MMP7: variants seen among roughly 807,000 people sequenced by gnomAD.
MMP7 encodes matrilysin.
In MMP7, 26 loss-of-function variants were observed where a neutral mutation model predicts 31.5. The ratio of observed to expected loss-of-function variants is 0.83; its 90% CI spans 0.61 to 1.15. The LOEUF is 1.15. MMP7 is among the 50% of genes most tolerant of loss of function. The pLI, the probability that MMP7 is intolerant of heterozygous loss-of-function variation, is 0.00. For missense variants in MMP7, 367 were observed against 326.5 expected, an observed-to-expected ratio of 1.12 and a Z score of -0.96; for synonymous variants, 142 against 124.2, an observed-to-expected ratio of 1.14 and a Z score of -0.95.
intron 4 of MMP7, 43 bp from the exon 5 acceptor site, chr11:102,523,444 A>G (rs774524804): frequency 1.0e-5 from 15 of 1,479,774 alleles, no homozygotes; most frequent in Non-Finnish European, 1.4e-5. Flanking sequence ...AAAAATAGCT[A>G]CATACATTAT....
In MMP7 at chr11:102,527,408, C is replaced by A. The variant is rs1351234149; in HGVS notation, c.484+116G>T. 7 of 1,223,538 alleles carry A rather than the reference C, an allele frequency of 5.7e-6. No individual in the cohort carries two copies. The Admixed American group carries it at 1.0e-4, about 18-fold the overall frequency. The allele number at this position is 1,223,538 out of a possible 1,614,324, so 75.8% of individuals were successfully genotyped here. A position where few individuals can be genotyped will look rare whatever the true frequency, so the allele number is the denominator to read the frequency against. On this transcript the variant is annotated intron_variant, in intron 3 of 5. Coordinates refer to ENST00000260227, the MANE Select transcript of MMP7 (RefSeq NM_002423.5). ...ATTGCTAAATCTATCTATTAACTAT[C>A]TATCTACCAATCATATCTCATTAAA...
chr11:102,530,620 C>A lies in MMP7; in HGVS notation c.81G>T (p.Met27Ile). The A allele has an allele frequency of 2.5e-6, 4 of 1,614,010 alleles. No homozygotes were observed. The South Asian group carries it at 3.3e-5, about 13-fold the overall frequency. The part of the protein sequence containing the change: ...ALPLPQEAGG[M>I]SELQWEQAQD... ...GAGCCTGTTCCCACTGTAGCTCACTCATGCCTCCCGCCTCCTGAGGCAGCG... is the reference window on the plus strand; with the variant it reads ...GAGCCTGTTCCCACTGTAGCTCACTAATGCCTCCCGCCTCCTGAGGCAGCG... Residue 27 changes from methionine to isoleucine, a missense_variant, in exon 1 of 6, where the codon ATG (methionine) becomes ATT (isoleucine). Transcript: ENST00000260227.
chr11:102,525,379 T>C (rs942070627), intron 3 of MMP7, among the ~76,000 whole-genome samples: 3 of 151,676 alleles, frequency 2.0e-5, no homozygotes, highest in South Asian at 2.1e-4. Flanking sequence ...GAGGCGGAAG[T>C]TGCAGTGAGC....
rs1330783221 is a variant in MMP7, at chr11:102,527,651, G to A, written c.357C>T (p.Asp119=). ...ATCGATCCACTGTAATATGCGGTAA[G>A]TCTCGAGTATATGATACGATCCTAG... ...VTYRIVSYTR[D]LPHITVDRLV... is the part of the protein sequence containing the mutation. Residue 119 remains aspartate, a synonymous_variant, in exon 3 of 6, where the codon GAC becomes GAT. Coordinates refer to ENST00000260227, the MANE Select transcript of MMP7 (RefSeq NM_002423.5). 1 of 1,614,134 alleles carries A rather than the reference G, an allele frequency of 6.2e-7. No individual in the cohort carries two copies. The highest frequency in any genetic ancestry group is 8.5e-7 in the Non-Finnish European group (1 of 1,179,990).
At chr11:102,521,309 T>C (rs955394079) in intron 5 of MMP7, among the ~76,000 whole-genome samples, 3 of 152,170 alleles carry the variant, frequency 2.0e-5, no homozygotes, top group African/African-American at 7.2e-5. Context: ...GCAATTCTCA[T>C]GCTTCAGCCT....
At position 102,528,217 on chromosome 11, in the gene MMP7, T is replaced by TA. The variant is rs553706786; in HGVS notation, c.109-235dup. Among the ~76,000 whole-genome samples the TA allele has an allele frequency of 1.2e-3, 177 of 152,338 alleles. 1 individual carries two copies. Among genetic ancestry groups the TA allele is most frequent in the African/African-American group, 3.9e-3 (164 of 41,576 alleles). On this transcript the variant is annotated intron_variant, in intron 1 of 5. Transcript: ENST00000260227. ...CAAAAGAAAAGAATCCCTCAATTTT[T>TA]AAAAAATCCATTTAAATGTTTTGGG...
In MMP7 at chr11:102,527,958, T is replaced by A. The variant is rs1426185853; in HGVS notation, c.134A>T (p.Tyr45Phe). The A allele has an allele frequency of 1.2e-6, 2 of 1,613,762 alleles. No individual in the cohort carries two copies. The highest frequency in any genetic ancestry group is 3.3e-5 in the Admixed American group (2 of 60,026). ...AQDYLKRFYL[Y>F]DSETKNANSL... Reference sequence around the variant, plus strand: ...GTTGGCATTTTTTGTTTCTGAGTCATAGAGATAAAATCTCTTGAGATAGTC... The same window carrying A: ...GTTGGCATTTTTTGTTTCTGAGTCAAAGAGATAAAATCTCTTGAGATAGTC... Residue 45 changes from tyrosine to phenylalanine, a missense_variant, in exon 2 of 6, where the codon TAT (tyrosine) becomes TTT (phenylalanine). Transcript: ENST00000260227.
chr11:102,530,109 A>T (rs1207599644), intron 1 of MMP7, among the ~76,000 whole-genome samples: 2 of 152,204 alleles, frequency 1.3e-5, no homozygotes, highest in African/African-American at 4.8e-5. Context: ...CTGACTTCAG[A>T]TATCTCCATT....
rs745964126 is a variant in MMP7, at chr11:102,530,647, C to G, written c.54G>C (p.Leu18=). The change falls in exon 1 of 6, where the codon CTG becomes CTC. Residue 18 remains leucine, a synonymous_variant. Coordinates refer to ENST00000260227, the MANE Select transcript of MMP7 (RefSeq NM_002423.5). ...TGCCTCCCGCCTCCTGAGGCAGCGG[C>G]AGGGCCAGGCTGCCAGGCAGCAGGC... The part of the protein sequence containing the change: ...AVCLLPGSLA[L]PLPQEAGGMS... The G allele has an allele frequency of 5.0e-6, 8 of 1,614,016 alleles. No homozygotes were observed. The South Asian group carries it at 7.7e-5, about 16-fold the overall frequency.
chr11:102,527,922 G>T lies in MMP7; in HGVS notation c.170C>A (p.Ala57Asp), dbSNP rs1202573938. Residue 57 changes from alanine to aspartate, a missense_variant, in exon 2 of 6, where the codon GCC becomes GAC. Physicochemically the swap from Ala to Asp is moderately radical, Grantham distance 126. Transcript: ENST00000260227. Reference protein sequence around the residue: ...SETKNANSLEAKLKEMQKFFG... With the variant: ...SETKNANSLEDKLKEMQKFFG... ...GAATTTTTGCATCTCCTTGAGTTTG[G>T]CTTCTAAACTGTTGGCATTTTTTGT... 6.2e-7 allele frequency: 1 copy of T among 1,614,058 alleles called. No individual in the cohort carries two copies. Among genetic ancestry groups the T allele is most frequent in the Non-Finnish European group, 8.5e-7 (1 of 1,180,002 alleles).
In MMP7 at chr11:102,530,621, A is replaced by C. The variant is rs1460462679; in HGVS notation, c.80T>G (p.Met27Arg). 1 of 1,613,952 alleles carries C rather than the reference A, an allele frequency of 6.2e-7. No individual in the cohort carries two copies. The highest frequency in any genetic ancestry group is 1.1e-5 in the South Asian group (1 of 91,074). ...ALPLPQEAGG[M>R]SELQWEQAQD... ...AGCCTGTTCCCACTGTAGCTCACTC[A>C]TGCCTCCCGCCTCCTGAGGCAGCGG... is the stretch of plus-strand genomic sequence containing the variant. Residue 27 changes from methionine (M) to arginine (R), a missense_variant, in exon 1 of 6, where the codon ATG (methionine) becomes AGG (arginine). By Grantham distance (91) the Met-to-Arg change is moderately conservative. Coordinates refer to ENST00000260227, the MANE Select transcript of MMP7 (RefSeq NM_002423.5).
intron 3 of MMP7, among the ~76,000 whole-genome samples, chr11:102,525,641 C>T (rs973351447): frequency 6.6e-6 from 1 of 151,966 alleles, no homozygotes; most frequent in Admixed American, 6.6e-5. Flanking sequence ...GCAGTTATAT[C>T]TAACTTAAGG....
chr11:102,523,286 A>G lies in MMP7; in HGVS notation c.729T>C (p.Asn243=), dbSNP rs17879211. ...TAATATCATCCTGGGAAAGTTTAAA[A>G]TTTTGGGGATCTCCATTTCCATAGG... ...YPTYGNGDPQ[N]FKLSQDDIKG... The change falls in exon 5 of 6, where the codon AAT becomes AAC. Residue 243 remains asparagine, a synonymous_variant. Transcript: ENST00000260227. 5 of 1,611,906 alleles carry G rather than the reference A, an allele frequency of 3.1e-6. No individual in the cohort carries two copies. The East Asian group carries it at 1.1e-4, about 36-fold the overall frequency.
rs781157070 is a variant in MMP7 at position 102,527,921 on chromosome 11, G to A, written c.171C>T (p.Ala57=). 1.9e-6 allele frequency: 3 copies of A among 1,614,058 alleles called. No individual in the cohort carries two copies. In the East Asian group the frequency reaches 6.7e-5, roughly 36 times the overall value. Residue 57 remains alanine, a synonymous_variant, in exon 2 of 6, where the codon GCC becomes GCT. Coordinates refer to ENST00000260227, the MANE Select transcript of MMP7 (RefSeq NM_002423.5). ...AGAATTTTTGCATCTCCTTGAGTTT[G>A]GCTTCTAAACTGTTGGCATTTTTTG... ...SETKNANSLE[A]KLKEMQKFFG...
In MMP7 at chr11:102,524,953, G is replaced by A. The variant is rs139502289; in HGVS notation, c.596C>T (p.Thr199Met). ...TGCTATACCTAGACTGCTACCATCC[G>A]TCCAGCGTTCATCCTCATCGAAGTG... ...DAHFDEDERW[T>M]DGSSLGINFL... The change falls in exon 4 of 6, where the codon ACG becomes ATG. Residue 199 changes from threonine to methionine, a missense_variant. Physicochemically the swap from Thr to Met is moderately conservative, Grantham distance 81 (BLOSUM62 -1). Coordinates refer to ENST00000260227, the MANE Select transcript of MMP7 (RefSeq NM_002423.5). 3.5e-5 allele frequency: 57 copies of A among 1,613,778 alleles called. No homozygotes were observed. Among genetic ancestry groups the A allele is most frequent in the Middle Eastern group, 1.6e-4 (1 of 6,080 alleles).
rs1858708199 is a variant in MMP7, at chr11:102,529,449, T to C, written c.108+1144A>G. Among the ~76,000 whole-genome samples, 3 of 152,194 alleles carry C rather than the reference T, an allele frequency of 2.0e-5. No individual in the cohort carries two copies. The South Asian group carries it at 6.2e-4, about 32-fold the overall frequency. ...ACATCCCTCCAAGTGAAGACTAAGT[T>C]TCTGCCAACCTTCACTCTAAGTAAA... On this transcript the variant is annotated intron_variant, in intron 1 of 5. Transcript: ENST00000260227.
Position 102,527,871 on chromosome 11 carries a change from A to G in MMP7, c.221T>C (p.Leu74Ser). The G allele has an allele frequency of 1.9e-6, 3 of 1,614,146 alleles. No homozygotes were observed. The South Asian group carries it at 3.3e-5, about 18-fold the overall frequency. ...KFFGLPITGM[L>S]NSRVIEIMQK... is the part of the protein sequence containing the mutation. ...CATTATTTCTATGACGCGGGAGTTT[A>G]ACATTCCAGTTATAGGTAGGCCAAA... Residue 74 changes from leucine to serine, a missense_variant, in exon 2 of 6, where the codon TTA (leucine) becomes TCA (serine). Physicochemically the swap from Leu to Ser is moderately radical, Grantham distance 145 (BLOSUM62 -2). Transcript: ENST00000260227.
chr11:102,529,411 T>C (rs978791810), intron 1 of MMP7, among the ~76,000 whole-genome samples: 1 of 152,190 alleles, frequency 6.6e-6, no homozygotes, highest in Non-Finnish European at 1.5e-5. Context: ...TGTTTTTTTG[T>C]TAAACCTAGC....
At position 102,530,603 on chromosome 11, in the gene MMP7, TC is replaced by T. The variant is rs1858723971; in HGVS notation, c.97del (p.Glu33AsnfsTer23). The T allele has an allele frequency of 6.2e-7, 1 of 1,613,660 alleles. No homozygotes were observed. Among genetic ancestry groups the T allele is most frequent in the Non-Finnish European group, 8.5e-7 (1 of 1,179,610 alleles). The stretch of plus-strand genomic sequence containing the variant: ...TGGGCTGTGACATACCTGAGCCTGT[TC>T]CCACTGTAGCTCACTCATGCCTCCC... ...EAGGMSELQW[E>X]QAQDYLKRFY... On this transcript the variant is annotated frameshift_variant, in exon 1 of 6. Transcript: ENST00000260227. LOFTEE classifies it high-confidence loss of function.
Sources: gnomAD v4.1 joint callset for allele counts (sites outside exome capture counted in the v4.1 genomes callset) on GRCh38, gnomAD v4.1.1 for gene constraint, MANE v1.5 for transcripts, NCBI Gene and HGNC (gene_info 2026-07-23, HGNC 2026-07-21) for gene names.